Variants in KCNQ5 observed in about 807,000 individuals in gnomAD.
KCNQ5 encodes the protein potassium voltage-gated channel subfamily Q member 5.
A neutral mutation model predicts 98.2 loss-of-function variants in KCNQ5; 30 were observed. The ratio of observed to expected loss-of-function variants is 0.31; its 90% CI spans 0.23 to 0.41. The LOEUF (loss-of-function observed/expected upper bound fraction) is 0.41. Among genes scored for constraint, KCNQ5 ranks in the 10% least tolerant of loss-of-function variants. KCNQ5 has a pLI of 1.00. For missense variants in KCNQ5, 835 were observed against 1,182.5 expected (o/e 0.71, Z 4.31); for synonymous variants, 458 against 449.4 (o/e 1.02, Z -0.24).
intron 10 of KCNQ5, among the ~76,000 whole-genome samples, chr6:73,159,642 A>C (rs1487382525): frequency 6.6e-6 from 1 of 152,234 alleles, no homozygotes; most frequent in Admixed American, 6.5e-5. Flanking sequence ...TTAAATCGGT[A>C]CAAGTTCATG....
intron 11 of KCNQ5, among the ~76,000 whole-genome samples, chr6:73,187,216 C>T (rs60998603): frequency 0.031 from 4,669 of 152,096 alleles, 91 homozygotes; most frequent in East Asian, 0.068. Flanking sequence ...CCCGTCACCA[C>T]ACCCAGCTAA....
chr6:72,929,406 T>C (rs1222399808), intron 1 of KCNQ5, among the ~76,000 whole-genome samples: 1 of 152,016 alleles, frequency 6.6e-6, no homozygotes, highest in African/African-American at 2.4e-5. Flanking sequence ...AAAAGTGCAC[T>C]CTCAGTTGTC....
At chr6:73,164,251 AAGAC>A (rs2150497459) in intron 10 of KCNQ5, among the ~76,000 whole-genome samples, 1 of 152,296 alleles carries the variant, frequency 6.6e-6, no homozygotes, top group Non-Finnish European at 1.5e-5. Flanking sequence ...ATGAAGCAGA[AAGAC>A]AGCATCTTGC....
At chr6:72,734,170 T>G (rs1770701554) in intron 1 of KCNQ5, among the ~76,000 whole-genome samples, 1 of 152,220 alleles carries the variant, frequency 6.6e-6, no homozygotes, top group Admixed American at 6.5e-5. Flanking sequence ...AGCTGTAACT[T>G]TGATTGCAGA....
chr6:72,986,634 C>G (rs1218506503), intron 1 of KCNQ5: 2 of 723,164 alleles, frequency 2.8e-6, no homozygotes, highest in Non-Finnish European at 4.9e-6. Flanking sequence ...GCCAGACGGT[C>G]AGAGAAGTCA....
intron 1 of KCNQ5, among the ~76,000 whole-genome samples, chr6:72,872,692 G>A (rs1001224212): frequency 2.0e-5 from 3 of 152,120 alleles, no homozygotes; most frequent in Admixed American, 6.5e-5. Context: ...ACACTTTGCT[G>A]ATTTACAACG....
intron 1 of KCNQ5, among the ~76,000 whole-genome samples, chr6:72,702,986 A>G (rs142908754): frequency 2.1e-4 from 32 of 152,196 alleles, no homozygotes; most frequent in Non-Finnish European, 4.0e-4. Flanking sequence ...TCAGTCTCCT[A>G]TGTGGATTGT....
At chr6:72,998,333 G>A (rs996425956) in intron 1 of KCNQ5, among the ~76,000 whole-genome samples, 2 of 152,158 alleles carry the variant, frequency 1.3e-5, no homozygotes, top group Non-Finnish European at 2.9e-5. Flanking sequence ...GTCAGAAGCA[G>A]GGTTGAATTT....
chr6:73,131,674 G>A (rs1198643892), intron 9 of KCNQ5, among the ~76,000 whole-genome samples: 2 of 152,018 alleles, frequency 1.3e-5, no homozygotes, highest in Non-Finnish European at 2.9e-5. Flanking sequence ...AATAATTGAA[G>A]GCTTTGGGAT....
chr6:72,972,498 C>G (rs369508236), intron 1 of KCNQ5, among the ~76,000 whole-genome samples: 23 of 152,066 alleles, frequency 1.5e-4, no homozygotes, highest in Middle Eastern at 3.4e-3. Flanking sequence ...CCCCTCACCC[C>G]CTACCCCCCA....
rs531985907 is a variant in KCNQ5, at chr6:72,729,431, G to A, written c.398+106844G>A. 1.8e-3 allele frequency among the ~76,000 whole-genome samples: 267 copies of A among 152,250 alleles called. 2 individuals carry two copies. The highest frequency in any genetic ancestry group is 6.2e-3 in the African/African-American group (258 of 41,546). On this transcript the variant is annotated intron_variant, in intron 1 of 13. Coordinates refer to ENST00000370398, the MANE Select transcript of KCNQ5 (RefSeq NM_019842.4). Reference sequence around the variant, plus strand: ...GCCTCCCAAGTATCTGGGACTACAGGCGTGTGCCACCACACCTGGCTAATT... The same window carrying A: ...GCCTCCCAAGTATCTGGGACTACAGACGTGTGCCACCACACCTGGCTAATT...
intron 1 of KCNQ5, among the ~76,000 whole-genome samples, chr6:72,629,857 C>A (rs2098919848): frequency 6.6e-6 from 1 of 152,210 alleles, no homozygotes; most frequent in African/African-American, 2.4e-5. Context: ...AGATTGGCCA[C>A]ACATCTGCAC....
chr6:72,762,205 G>C (rs1290018002), intron 1 of KCNQ5, among the ~76,000 whole-genome samples: 1 of 152,020 alleles, frequency 6.6e-6, no homozygotes, highest in Admixed American at 6.6e-5. Flanking sequence ...TATCTGGGGG[G>C]AAGGAAAGGA....
At chr6:73,129,193 C>T (rs562426858) in intron 9 of KCNQ5, among the ~76,000 whole-genome samples, 1 of 152,338 alleles carries the variant, frequency 6.6e-6, no homozygotes, top group South Asian at 2.1e-4. Context: ...CTTCTGTTCA[C>T]ATTTATTGAT....
rs1011622650 is a variant in KCNQ5, at chr6:72,687,627, A to C, written c.398+65040A>C. On this transcript the variant is annotated intron_variant, in intron 1 of 13. Coordinates refer to ENST00000370398, the MANE Select transcript of KCNQ5 (RefSeq NM_019842.4). ...AAAGTGAAAGCATACTTGAAGTGCT[A>C]GGCAAATGATGGATGTAAAGTAAGT... Among the ~76,000 whole-genome samples, 7 of 152,216 alleles carry C rather than the reference A, an allele frequency of 4.6e-5. 1 individual carries two copies. The highest frequency in any genetic ancestry group is 4.6e-4 in the Admixed American group (7 of 15,288).
chr6:72,854,456 A>G (rs949113212), intron 1 of KCNQ5, among the ~76,000 whole-genome samples: 1 of 151,832 alleles, frequency 6.6e-6, no homozygotes, highest in African/African-American at 2.4e-5. Context: ...TTTACTATTA[A>G]TATGTGTTCA....
intron 1 of KCNQ5, among the ~76,000 whole-genome samples, chr6:72,884,054 A>G (rs1778757081): frequency 6.6e-6 from 1 of 152,338 alleles, no homozygotes; most frequent in African/African-American, 2.4e-5. Flanking sequence ...AATTTATATG[A>G]TGAGATTAAT....
chr6:72,958,079 T>A (rs910137953), intron 1 of KCNQ5, among the ~76,000 whole-genome samples: 4 of 146,870 alleles, frequency 2.7e-5, no homozygotes, highest in African/African-American at 9.8e-5. Context: ...GTGCTCCATC[T>A]TTTTTTTTTC....
chr6:72,952,914 T>C (rs1401041550), intron 1 of KCNQ5, among the ~76,000 whole-genome samples: 1 of 152,170 alleles, frequency 6.6e-6, no homozygotes, highest in Admixed American at 6.5e-5. Flanking sequence ...ATATGCTACA[T>C]CTAGATTACA....
Sources: allele counts gnomAD v4.1 joint callset (sites outside exome capture counted in the v4.1 genomes callset), GRCh38; gene constraint gnomAD v4.1.1; transcripts MANE v1.5; gene names NCBI Gene and HGNC (gene_info 2026-07-23, HGNC 2026-07-21).